Variants in CKAP2 observed in about 807,000 individuals in gnomAD.
CKAP2 encodes the protein cytoskeleton associated protein 2, also known as cytoskeleton-associated protein 2.
A neutral mutation model predicts 58.4 loss-of-function variants in CKAP2; 46 were observed. The ratio of observed to expected loss-of-function variants is 0.79; its 90% CI spans 0.62 to 1.01. The LOEUF (loss-of-function observed/expected upper bound fraction) is 1.01. Among genes scored for constraint, CKAP2 ranks in the 50% least tolerant of loss-of-function variants. CKAP2 has a pLI of 0.00. For missense variants in CKAP2, 809 were observed against 796.4 expected (o/e 1.02, Z -0.19); for synonymous variants, 293 against 280.9 (o/e 1.04, Z -0.43).
chr13:52,474,908 G>C lies in CKAP2; in HGVS notation c.1816G>C (p.Val606Leu). The C allele has an allele frequency of 6.2e-7, 1 of 1,608,054 alleles. No individual in the cohort carries two copies. Reference protein sequence around the residue: ...TPYLQSVKKKVQFDGTNSAFK... With the variant: ...TPYLQSVKKKLQFDGTNSAFK... ...TTTAATTTTCAGTGTGAAAAAAAAGGTGCAGTTTGATGGAACAAATTCCGC... is the reference window on the plus strand; with the variant it reads ...TTTAATTTTCAGTGTGAAAAAAAAGCTGCAGTTTGATGGAACAAATTCCGC... The change falls in exon 9 of 9, where the codon GTG (valine) becomes CTG (leucine). Residue 606 changes from valine to leucine, a missense_variant. Val to Leu is a conservative substitution (Grantham distance 32). This residue lies in a region of CKAP2 where 283 missense variants were observed against 287.6 expected (regional missense o/e 0.98). Coordinates refer to ENST00000258607, the MANE Select transcript of CKAP2 (RefSeq NM_018204.5).
At chr13:52,464,651 A>G (rs1958636784) in intron 5 of CKAP2, among the ~76,000 whole-genome samples, 2 of 151,716 alleles carry the variant, frequency 1.3e-5, no homozygotes, top group African/African-American at 2.4e-5. Context: ...CCAAAATCCT[A>G]TGGAGTATAA....
Position 52,476,209 on chromosome 13 carries a change from A to G in CKAP2, c.*1068A>G, listed in dbSNP as rs1958826702. ...AAAGATTAGTTGAAAAACTGTATGAATGTGAAGATCACATGCTTAGTCATT... is the reference window on the plus strand; with the variant it reads ...AAAGATTAGTTGAAAAACTGTATGAGTGTGAAGATCACATGCTTAGTCATT... On this transcript the variant is annotated 3_prime_UTR_variant, in exon 9 of 9. Coordinates refer to ENST00000258607, the MANE Select transcript of CKAP2 (RefSeq NM_018204.5). 6.6e-6 allele frequency: 1 copy of G among 152,234 alleles called. No individual in the cohort carries two copies. The highest frequency in any genetic ancestry group is 6.5e-5 in the Admixed American group (1 of 15,280). The allele number at this position is 152,234 out of a possible 1,614,324, so 9.4% of individuals were successfully genotyped here. A position where few individuals can be genotyped will look rare whatever the true frequency, so the allele number is the denominator to read the frequency against.
At chr13:52,465,032 G>A (rs1958643750) in intron 5 of CKAP2, among the ~76,000 whole-genome samples, 1 of 151,724 alleles carries the variant, frequency 6.6e-6, no homozygotes, top group East Asian at 1.9e-4. Flanking sequence ...ATAAAGACGA[G>A]GAAAAAAAAC....
At chr13:52,468,179 A>C (rs774865139) in intron 6 of CKAP2, 99 bp from the exon 7 acceptor site, 1 of 688,428 alleles carries the variant, frequency 1.5e-6, no homozygotes, top group Non-Finnish European at 2.5e-6. Context: ...CTCTTACTTT[A>C]AAATACAGTA....
Position 52,475,237 on chromosome 13 carries a change from A to G in CKAP2, c.*96A>G. ...ATTGCTCTTAGGTCTGGAGTTGGCC[A>G]TGTACCTATGTATCCTAAGCATTCA... On this transcript the variant is annotated 3_prime_UTR_variant, in exon 9 of 9. Transcript: ENST00000258607. The G allele has an allele frequency of 4.9e-6, 7 of 1,426,918 alleles. No homozygotes were observed. Among genetic ancestry groups the G allele is most frequent in the South Asian group, 4.1e-5 (3 of 73,136 alleles). The allele number at this position is 1,426,918 out of a possible 1,614,324, so 88.4% of individuals were successfully genotyped here.
chr13:52,455,899 G>T (rs919260825), intron 1 of CKAP2: 6 of 1,102,704 alleles, frequency 5.4e-6, no homozygotes, highest in African/African-American at 5.1e-5. Flanking sequence ...AAACGCGCGG[G>T]CCTCAGGCCG....
At chr13:52,470,984 C>T (rs1369890780) in intron 7 of CKAP2, among the ~76,000 whole-genome samples, 2 of 152,006 alleles carry the variant, frequency 1.3e-5, no homozygotes, top group African/African-American at 4.8e-5. Flanking sequence ...ATGGTGAAAC[C>T]CCGTCTCCAC....
At position 52,462,393 on chromosome 13, in the gene CKAP2, A is replaced by C; in HGVS notation, c.1131A>C (p.Lys377Asn). 6.2e-7 allele frequency: 1 copy of C among 1,614,146 alleles called. No homozygotes were observed. Among genetic ancestry groups the C allele is most frequent in the Non-Finnish European group, 8.5e-7 (1 of 1,180,012 alleles). Residue 377 changes from lysine (K) to asparagine (N), a missense_variant, in exon 5 of 9, where the codon AAA (lysine) becomes AAC (asparagine). Coordinates refer to ENST00000258607, the MANE Select transcript of CKAP2 (RefSeq NM_018204.5). ...GTCTGAGTGAGTGGAAAGCTGGCAAAGGAAGAGTGCTAAAAAGGCCCCCTA... is the reference window on the plus strand; with the variant it reads ...GTCTGAGTGAGTGGAAAGCTGGCAACGGAAGAGTGCTAAAAAGGCCCCCTA... ...KARLSEWKAG[K>N]GRVLKRPPNS...
At chr13:52,471,705 T>A (rs563148228) in intron 7 of CKAP2, among the ~76,000 whole-genome samples, 1 of 152,304 alleles carries the variant, frequency 6.6e-6, no homozygotes, top group East Asian at 1.9e-4. Context: ...CCTTCTTTCT[T>A]TCCCAGTTCC....
chr13:52,467,661 A>G (rs971134562), intron 6 of CKAP2, among the ~76,000 whole-genome samples: 22 of 152,150 alleles, frequency 1.4e-4, no homozygotes, highest in Non-Finnish European at 2.6e-4. Flanking sequence ...ATGAGCCGAG[A>G]TCGCACCACT....
At position 52,465,302 on chromosome 13, in the gene CKAP2, C is replaced by T. The variant is rs147773280; in HGVS notation, c.1313C>T (p.Pro438Leu). ...TTTTTCTTGCTTTTTTAGGGATGTC[C>T]AAAAGAAGATATACTGGTCACACTG... The part of the protein sequence containing the change: ...ECLNLINEGC[P>L]KEDILVTLND... The change falls in exon 6 of 9, where the codon CCA becomes CTA. Residue 438 changes from proline (P) to leucine (L), a missense_variant. Around this residue, in one of 3 missense-constraint regions of CKAP2, gnomAD observed 3 missense variants for 16.4 expected, o/e 0.18. Coordinates refer to ENST00000258607, the MANE Select transcript of CKAP2 (RefSeq NM_018204.5). The T allele has an allele frequency of 1.2e-3, 1,986 of 1,598,092 alleles. 3 individuals are homozygous for T. Among genetic ancestry groups the T allele is most frequent in the Non-Finnish European group, 1.6e-3 (1,882 of 1,175,296 alleles).
intron 2 of CKAP2, among the ~76,000 whole-genome samples, chr13:52,459,305 T>A (rs1265447550): frequency 6.6e-6 from 1 of 150,946 alleles, no homozygotes; most frequent in East Asian, 1.9e-4. Context: ...AAATGTAAAA[T>A]ATATATATAT....
chr13:52,455,483 C>T lies in CKAP2; in HGVS notation c.-74C>T, dbSNP rs1364871469. The T allele has an allele frequency of 2.5e-6, 4 of 1,571,236 alleles. No homozygotes were observed. The highest frequency in any genetic ancestry group is 3.5e-6 in the Non-Finnish European group (4 of 1,142,642). On this transcript the variant is annotated 5_prime_UTR_variant, in exon 1 of 9. Coordinates refer to ENST00000258607, the MANE Select transcript of CKAP2 (RefSeq NM_018204.5). Reference sequence around the variant, plus strand: ...TCTGACGGCTTAGCCGCGGTGCAGACTGCGGCGGCGGTGGTCTGAGGAAGT... The same window carrying T: ...TCTGACGGCTTAGCCGCGGTGCAGATTGCGGCGGCGGTGGTCTGAGGAAGT...
At chr13:52,468,459 T>TA in intron 7 of CKAP2, 112 bp downstream of exon 7, 1 of 634,604 alleles carries the variant, frequency 1.6e-6, no homozygotes, top group Non-Finnish European at 2.7e-6. Flanking sequence ...GCAGGTTTGT[T>TA]ACAAAGGTAA....
At chr13:52,465,243 T>C in intron 5 of CKAP2, 52 bp from the exon 6 acceptor site, 1 of 1,486,314 alleles carries the variant, frequency 6.7e-7, no homozygotes, top group South Asian at 1.2e-5. Flanking sequence ...CAATTATTGT[T>C]CCCACTTTGT....
chr13:52,472,824 C>T (rs1387370170), intron 7 of CKAP2, among the ~76,000 whole-genome samples: 2 of 152,150 alleles, frequency 1.3e-5, no homozygotes, highest in Non-Finnish European at 2.9e-5. Flanking sequence ...GTGGAAGAAT[C>T]GCTTGAGGTC....
chr13:52,469,658 G>A (rs887439681), intron 7 of CKAP2, among the ~76,000 whole-genome samples: 10 of 149,428 alleles, frequency 6.7e-5, no homozygotes, highest in Admixed American at 6.0e-4. Flanking sequence ...CTGCAGTGGC[G>A]CAATCTCGGC....
At chr13:52,456,935 C>G (rs574726184) in intron 2 of CKAP2, among the ~76,000 whole-genome samples, 1 of 152,048 alleles carries the variant, frequency 6.6e-6, no homozygotes, top group Non-Finnish European at 1.5e-5. Context: ...ACTCTGTTGC[C>G]AGGTTGGAGT....
chr13:52,468,322 G>T lies in CKAP2; in HGVS notation c.1521G>T (p.Met507Ile), dbSNP rs1258773174. Residue 507 changes from methionine to isoleucine, a missense_variant, in exon 7 of 9, where the codon ATG (methionine) becomes ATT (isoleucine). This residue lies in a region of CKAP2 where 283 missense variants were observed against 287.6 expected (regional missense o/e 0.98). Transcript: ENST00000258607. Reference sequence around the variant, plus strand: ...ACACGATTGTAGATATTCTAACAATGAAGAGTCAAGAAAAAGCTAATTTAG... The same window carrying T: ...ACACGATTGTAGATATTCTAACAATTAAGAGTCAAGAAAAAGCTAATTTAG... ...MRHTIVDILT[M>I]KSQEKANLGE... is the part of the protein sequence containing the mutation. The T allele has an allele frequency of 6.3e-7, 1 of 1,598,958 alleles. No individual in the cohort carries two copies. Among genetic ancestry groups the T allele is most frequent in the South Asian group, 1.1e-5 (1 of 88,006 alleles).
Sources: allele counts gnomAD v4.1 joint callset (sites outside exome capture counted in the v4.1 genomes callset), GRCh38; gene constraint gnomAD v4.1.1; regional missense constraint gnomAD v4.1.1; transcripts MANE v1.5; gene names NCBI Gene and HGNC (gene_info 2026-07-23, HGNC 2026-07-21).